TRIO: variants seen among roughly 807,000 people sequenced by gnomAD.
TRIO encodes the protein trio Rho guanine nucleotide exchange factor.
TRIO carries 58 observed loss-of-function variants against 351.9 expected under a neutral mutation model. The observed-to-expected ratio is 0.16, with a 90% CI of 0.13 to 0.21. TRIO has a LOEUF of 0.21. TRIO is among the 10% of genes least tolerant of loss of function. The pLI is 1.00. For synonymous variants in TRIO, 1,758 were observed against 1,595.7 expected (o/e 1.10, Z -2.42); for missense variants, 3,201 against 4,027.8 (o/e 0.79, Z 5.56).
chr5:14,414,030 A>T (rs1203439375), intron 33 of TRIO, among the ~76,000 whole-genome samples: 1 of 152,198 alleles, frequency 6.6e-6, no homozygotes, highest in East Asian at 1.9e-4. Flanking sequence ...TCAATAAAAG[A>T]TTGCTTTGGT....
chr5:14,469,650 G>A (rs1415923709), intron 37 of TRIO, among the ~76,000 whole-genome samples: 1 of 152,220 alleles, frequency 6.6e-6, no homozygotes, highest in Non-Finnish European at 1.5e-5. Context: ...AGGCAAATGG[G>A]CCACATGAAG....
In TRIO at chr5:14,181,967, CCTT is replaced by C. The variant is rs371081206; in HGVS notation, c.157+38088_157+38090del. ...ATATTCAGTCCTCTGTTTTTAATCT[CCTT>C]CTCCCCATCCCCATCCTCCCTGACT... On this transcript the variant is annotated intron_variant, in intron 1 of 56. Coordinates refer to ENST00000344204, the MANE Select transcript of TRIO (RefSeq NM_007118.4). Among the ~76,000 whole-genome samples, 792 of 151,568 alleles carry C rather than the reference CCTT, an allele frequency of 5.2e-3. 6 individuals carry two copies. Among genetic ancestry groups the C allele is most frequent in the African/African-American group, 0.018 (746 of 40,886 alleles).
intron 31 of TRIO, among the ~76,000 whole-genome samples, chr5:14,403,643 C>T (rs1233526220): frequency 7.3e-4 from 24 of 32,742 alleles, no homozygotes; most frequent in African/African-American, 2.1e-3. Flanking sequence ...GGTGAGGGTG[C>T]AGGTGGTGGT....
At chr5:14,313,198 G>C (rs937272934) in intron 8 of TRIO, among the ~76,000 whole-genome samples, 1 of 152,168 alleles carries the variant, frequency 6.6e-6, no homozygotes, top group African/African-American at 2.4e-5. Flanking sequence ...CCAGTGGTGG[G>C]ACCAACAGAC....
At chr5:14,505,939 C>T (rs1757646480) in intron 55 of TRIO, among the ~76,000 whole-genome samples, 1 of 152,208 alleles carries the variant, frequency 6.6e-6, no homozygotes, top group Admixed American at 6.5e-5. Context: ...CCTCAGTCCC[C>T]GCCCTCCCTC....
At chr5:14,212,309 A>G (rs1418652818) in intron 1 of TRIO, among the ~76,000 whole-genome samples, 2 of 152,058 alleles carry the variant, frequency 1.3e-5, no homozygotes, top group African/African-American at 2.4e-5. Flanking sequence ...AGCTCGCCCA[A>G]GTATGTTGAT....
intron 1 of TRIO, among the ~76,000 whole-genome samples, chr5:14,251,291 C>T (rs1383654585): frequency 6.6e-6 from 1 of 152,214 alleles, no homozygotes; most frequent in African/African-American, 2.4e-5. Flanking sequence ...ATGGCCCAGG[C>T]TTCTGGCCCT....
chr5:14,460,708 TTA>T (rs1008939989), intron 34 of TRIO, among the ~76,000 whole-genome samples: 53 of 152,324 alleles, frequency 3.5e-4, no homozygotes, highest in African/African-American at 1.2e-3. Context: ...CCACAGTATT[TTA>T]TGTGATGAAT....
Position 14,369,403 on chromosome 5 carries a change from G to C in TRIO, c.3096G>C (p.Gln1032His), listed in dbSNP as rs1744882903. The change falls in exon 18 of 57, where the codon CAG becomes CAC. Residue 1032 changes from glutamine to histidine, a missense_variant. Physicochemically the swap from Gln to His is conservative, Grantham distance 24. Around this residue, in one of 19 missense-constraint regions of TRIO, gnomAD observed 363 missense variants for 553.5 expected, o/e 0.66. Transcript: ENST00000344204. ...QVCSVLESLE[Q>H]EYKREEDWCG... is the part of the protein sequence containing the mutation. ...GCAGCGTCCTCGAGAGCCTGGAACA[G>C]GAGTACAAGAGAGAAGAAGACTGGT... The C allele has an allele frequency of 1.2e-6, 2 of 1,614,040 alleles. No homozygotes were observed. Among genetic ancestry groups the C allele is most frequent in the Non-Finnish European group, 1.7e-6 (2 of 1,179,974 alleles).
chr5:14,477,696 A>G (rs1316616916), intron 41 of TRIO, among the ~76,000 whole-genome samples: 1 of 152,214 alleles, frequency 6.6e-6, no homozygotes, highest in Non-Finnish European at 1.5e-5. Context: ...GTGACATTAA[A>G]TACATTGAAC....
intron 37 of TRIO, among the ~76,000 whole-genome samples, chr5:14,470,361 G>A (rs753045397): frequency 3.3e-5 from 5 of 152,108 alleles, no homozygotes; most frequent in Non-Finnish European, 7.4e-5. Context: ...TTTGCATTTT[G>A]TATTGTGCTG....
chr5:14,507,153 G>T lies in TRIO; in HGVS notation c.8644G>T (p.Val2882Leu). 1.2e-6 allele frequency: 2 copies of T among 1,611,938 alleles called. No homozygotes were observed. Among genetic ancestry groups the T allele is most frequent in the Non-Finnish European group, 1.7e-6 (2 of 1,179,452 alleles). ...ADQGRLLDCV[V>L]RWGSLTEGKI... is the part of the protein sequence containing the mutation. ...CCAGGGTCGCCTCCTGGACTGCGTG[G>T]TGCGATGGGGAAGCCTCACTGAAGG... Residue 2882 changes from valine (V) to leucine (L), a missense_variant, in exon 56 of 57, where the codon GTG becomes TTG. This residue lies in a region of TRIO where 233 missense variants were observed against 292.6 expected (regional missense o/e 0.80). Coordinates refer to ENST00000344204, the MANE Select transcript of TRIO (RefSeq NM_007118.4).
rs952880362 is a variant in TRIO at position 14,509,837 on chromosome 5, A to G, written c.*1415A>G. 1.4e-4 allele frequency: 23 copies of G among 162,262 alleles called. No individual in the cohort carries two copies. Among genetic ancestry groups the G allele is most frequent in the Admixed American group, 1.9e-4 (3 of 15,872 alleles). 10.1% of individuals were successfully genotyped at this position (162,262 alleles called of 1,614,324 possible). A position where few individuals can be genotyped will look rare whatever the true frequency, so the allele number is the denominator to read the frequency against. ...TTTTTATCTTTCTCGTGTGAACTGCACTACAAAAGAGACCAGCCCGCTTCC... is the reference window on the plus strand; with the variant it reads ...TTTTTATCTTTCTCGTGTGAACTGCGCTACAAAAGAGACCAGCCCGCTTCC... On this transcript the variant is annotated 3_prime_UTR_variant, in exon 57 of 57. Transcript: ENST00000344204.
intron 34 of TRIO, among the ~76,000 whole-genome samples, chr5:14,423,681 C>T (rs1192632759): frequency 1.3e-5 from 2 of 152,164 alleles, no homozygotes; most frequent in Non-Finnish European, 2.9e-5. Context: ...CAAACCTGGG[C>T]AAATGAGCGT....
chr5:14,267,390 A>T (rs573278587), intron 1 of TRIO, among the ~76,000 whole-genome samples: 7 of 152,188 alleles, frequency 4.6e-5, no homozygotes, highest in African/African-American at 9.6e-5. Context: ...CCTCTCTGTG[A>T]TGGTGAGAAG....
chr5:14,442,480 T>C (rs1752136497), intron 34 of TRIO, among the ~76,000 whole-genome samples: 1 of 152,192 alleles, frequency 6.6e-6, no homozygotes, highest in Non-Finnish European at 1.5e-5. Flanking sequence ...GTTCATGGAA[T>C]ACTAGGAGGT....
intron 1 of TRIO, among the ~76,000 whole-genome samples, chr5:14,147,453 C>CGT (rs932904063): frequency 2.0e-5 from 3 of 151,982 alleles, no homozygotes; most frequent in Non-Finnish European, 4.4e-5. Context: ...CTTGTGAGAG[C>CGT]GTGTGTGTGT....
At chr5:14,293,809 A>C (rs1737112275) in intron 6 of TRIO, among the ~76,000 whole-genome samples, 1 of 152,200 alleles carries the variant, frequency 6.6e-6, no homozygotes, top group South Asian at 2.1e-4. Flanking sequence ...TAATGTTACT[A>C]AAACTGTATG....
intron 35 of TRIO, among the ~76,000 whole-genome samples, chr5:14,461,933 A>G (rs935694819): frequency 2.0e-5 from 3 of 152,226 alleles, no homozygotes; most frequent in Non-Finnish European, 2.9e-5. Context: ...GAGATTTTTT[A>G]TGTCCTATTG....
Sources: gnomAD v4.1 joint callset for allele counts (sites outside exome capture counted in the v4.1 genomes callset) on GRCh38, gnomAD v4.1.1 for gene constraint, gnomAD v4.1.1 regional missense constraint, MANE v1.5 for transcripts, NCBI Gene and HGNC (gene_info 2026-07-23, HGNC 2026-07-21) for gene names.